SYT14: variants seen among roughly 807,000 people sequenced by gnomAD.
SYT14 encodes synaptotagmin-14.
In SYT14, 32 loss-of-function variants were observed where a neutral mutation model predicts 74.2. The ratio of observed to expected loss-of-function variants is 0.43; its 90% confidence interval spans 0.33 to 0.58. The LOEUF (loss-of-function observed/expected upper bound fraction) is 0.58, where lower values mean the gene tolerates loss of function less well. Ranked by LOEUF, SYT14 falls within the 20% of genes least tolerant of loss-of-function variation. The probability of loss-of-function intolerance (pLI) is 0.05; values close to 1 mark genes in which losing one functional copy is unlikely to be tolerated. For missense variants in SYT14, 791 were observed against 981.8 expected, an observed-to-expected ratio of 0.81 and a Z score of 2.60; for synonymous variants, 298 against 337.7, an observed-to-expected ratio of 0.88 and a Z score of 1.29.
intron 7 of SYT14, among the ~76,000 whole-genome samples, chr1:210,128,981 A>G (rs1441294339): frequency 6.6e-6 from 1 of 152,156 alleles, no homozygotes; most frequent in East Asian, 1.9e-4. Flanking sequence ...TTTCCTTTTC[A>G]AATATTTAGC....
At chr1:209,958,388 A>G (rs1408678666) in intron 2 of SYT14, among the ~76,000 whole-genome samples, 2 of 152,092 alleles carry the variant, frequency 1.3e-5, no homozygotes, top group Non-Finnish European at 2.9e-5. Flanking sequence ...TTTTCCATAT[A>G]AAGTTCAGAA....
At chr1:210,109,464 G>A (rs1013490335) in intron 7 of SYT14, among the ~76,000 whole-genome samples, 6 of 151,852 alleles carry the variant, frequency 4.0e-5, no homozygotes, top group African/African-American at 1.5e-4. Context: ...TGTAGTCCCA[G>A]CTATTCGGGA....
chr1:210,020,994 A>ATT (rs200275636), intron 4 of SYT14, 45 bp from the exon 4 acceptor site: 1 of 1,546,294 alleles, frequency 6.5e-7, no homozygotes, highest in Non-Finnish European at 8.9e-7. Context: ...AGGGGAGGGA[A>ATT]TTTTTTTTTC....
chr1:210,169,221 G>GTTTTTTTT (rs35974726), exon 10 of SYT14: 55 of 50,242 alleles, frequency 1.1e-3, no homozygotes, highest in African/African-American at 1.4e-3. Flanking sequence ...TGTTTTTGGT[G>GTTTTTTTT]TTTTTTTTTT....
At chr1:210,119,736 C>T (rs898405086) in intron 7 of SYT14, among the ~76,000 whole-genome samples, 1 of 152,136 alleles carries the variant, frequency 6.6e-6, no homozygotes, top group African/African-American at 2.4e-5. Flanking sequence ...ATTCCCGGAG[C>T]TCCTGTTAGA....
chr1:210,107,183 A>G (rs2082173553), intron 7 of SYT14, among the ~76,000 whole-genome samples: 1 of 152,212 alleles, frequency 6.6e-6, no homozygotes, highest in African/African-American at 2.4e-5. Context: ...CACCCCTGAA[A>G]GGGTGACCTT....
chr1:209,993,221 T>A (rs758735799), intron 2 of SYT14, among the ~76,000 whole-genome samples: 13 of 151,890 alleles, frequency 8.6e-5, no homozygotes, highest in Non-Finnish European at 1.3e-4. Flanking sequence ...CAGAAAAGAG[T>A]GGGGCTGGCT....
chr1:210,122,444 A>G (rs1322778236), intron 7 of SYT14, among the ~76,000 whole-genome samples: 1 of 152,196 alleles, frequency 6.6e-6, no homozygotes, highest in Non-Finnish European at 1.5e-5. Context: ...GGCAGAGAGC[A>G]TAGAAAACTA....
chr1:210,095,180 T>C (rs1444739445), intron 6 of SYT14, among the ~76,000 whole-genome samples: 1 of 152,196 alleles, frequency 6.6e-6, no homozygotes, highest in East Asian at 1.9e-4. Context: ...ATTACTGTAT[T>C]CTAAAAAGAA....
At chr1:209,962,653 C>T (rs893336974) in intron 2 of SYT14, among the ~76,000 whole-genome samples, 1 of 152,090 alleles carries the variant, frequency 6.6e-6, no homozygotes, top group Non-Finnish European at 1.5e-5. Flanking sequence ...ATTCCAAATT[C>T]AGGCTGCCAT....
At position 210,067,965 on chromosome 1, in the gene SYT14, G is replaced by T. The variant is rs1343598864; in HGVS notation, c.1313-26357G>T. ...AATAAATTCTAATAATTTACCTCTA[G>T]CTCTGGCTAGGAACTCACATACAAT... is the stretch of plus-strand genomic sequence containing the variant. On this transcript the variant is annotated intron_variant, in intron 5 of 9. Transcript: ENST00000637265. 2.0e-5 allele frequency among the ~76,000 whole-genome samples: 3 copies of T among 151,762 alleles called. No homozygotes were observed. The East Asian group carries it at 5.8e-4, about 29-fold the overall frequency.
intron 2 of SYT14, among the ~76,000 whole-genome samples, chr1:209,996,313 G>A (rs227183): frequency 0.54 from 82,538 of 151,866 alleles, 23,709 homozygotes; most frequent in African/African-American, 0.73. Flanking sequence ...CTCGGAGAAT[G>A]ATGTGAACAA....
Position 210,153,894 on chromosome 1 carries a change from A to G in SYT14, c.2035-1827A>G, listed in dbSNP as rs911289359. On this transcript the variant is annotated intron_variant, in intron 7 of 9. Coordinates refer to ENST00000637265, the Ensembl canonical transcript of SYT14. The stretch of plus-strand genomic sequence containing the variant: ...GTTGCTAGATTTGGTTTGCTGATGT[A>G]TATTTAGGATTTTTTCATCTAGATT... Among the ~76,000 whole-genome samples, 11 of 152,290 alleles carry G rather than the reference A, an allele frequency of 7.2e-5. No individual in the cohort carries two copies. The East Asian group carries it at 7.7e-4, about 11-fold the overall frequency.
chr1:210,023,171 A>G (rs2080337228), intron 5 of SYT14, among the ~76,000 whole-genome samples: 1 of 152,174 alleles, frequency 6.6e-6, no homozygotes, highest in Admixed American at 6.5e-5. Context: ...AGCTTTCGTG[A>G]ACGCTTTTTA....
chr1:210,163,031 G>A (rs773721538), exon 10 of SYT14: 2 of 453,418 alleles, frequency 4.4e-6, no homozygotes, highest in Non-Finnish European at 8.8e-6. Context: ...CTTGAAGAGG[G>A]GATGTAGATT....
rs1553267805 is a variant in SYT14, at chr1:210,026,638, A to ACACACACACACACT, written c.1312+5389_1312+5390insACACACACTCACAC. Among the ~76,000 whole-genome samples, 4 of 151,280 alleles carry ACACACACACACACT rather than the reference A, an allele frequency of 2.6e-5. No individual in the cohort carries two copies. In the East Asian group the frequency reaches 5.9e-4, roughly 22 times the overall value. On this transcript the variant is annotated intron_variant, in intron 5 of 9. Coordinates refer to ENST00000637265, the Ensembl canonical transcript of SYT14. Reference sequence around the variant, plus strand: ...CACACACACACACACACACACACACACACACTCACCCCTACTTGTCATTCT... The same window carrying ACACACACACACACT: ...CACACACACACACACACACACACACACACACACACACACTCACACTCACCCCTACTTGTCATTCT...
At chr1:210,151,384 A>AC (rs1272483716) in intron 7 of SYT14, among the ~76,000 whole-genome samples, 10 of 151,988 alleles carry the variant, frequency 6.6e-5, no homozygotes, top group Non-Finnish European at 1.5e-4. Context: ...ATCGATATTT[A>AC]ATTTGAGGTT....
intron 5 of SYT14, among the ~76,000 whole-genome samples, 193 bp downstream of exon 4, chr1:210,021,447 C>A (rs1254869618): frequency 2.0e-5 from 3 of 152,150 alleles, no homozygotes; most frequent in Non-Finnish European, 2.9e-5. Context: ...TACCAAAACA[C>A]CCCAAAGCAA....
chr1:210,042,348 G>T (rs899197815), intron 5 of SYT14, among the ~76,000 whole-genome samples: 1 of 152,182 alleles, frequency 6.6e-6, no homozygotes, highest in Non-Finnish European at 1.5e-5. Flanking sequence ...TTCTTTTGCT[G>T]TGCAGAAGCT....
Sources: allele counts gnomAD v4.1 joint callset (sites outside exome capture counted in the v4.1 genomes callset), GRCh38; gene constraint gnomAD v4.1.1; transcripts MANE v1.5; gene names NCBI Gene and HGNC (gene_info 2026-07-23, HGNC 2026-07-21).